Variants in SLC24A1 observed in about 807,000 individuals in gnomAD.
SLC24A1 encodes the protein sodium/potassium/calcium exchanger 1.
A neutral mutation model predicts 88.1 loss-of-function variants in SLC24A1; 52 were observed. The ratio of observed to expected loss-of-function variants is 0.59; its 90% CI spans 0.47 to 0.74. SLC24A1 has a LOEUF of 0.74. Among genes scored for constraint, SLC24A1 ranks in the 30% least tolerant of loss-of-function variants. SLC24A1 has a pLI of 0.00. For missense variants in SLC24A1, 1,173 were observed against 1,363.3 expected (o/e 0.86, Z 2.20); for synonymous variants, 455 against 498.0 (o/e 0.91, Z 1.15).
chr15:65,624,022 G>A lies in SLC24A1; in HGVS notation c.-59G>A. ...TCTGATCACCAACCTGAATCCCAGA[G>A]TAGCCTCCATCTTAGGACAGAATGA... On this transcript the variant is annotated 5_prime_UTR_variant, in exon 2 of 10. Coordinates refer to ENST00000261892, the MANE Select transcript of SLC24A1 (RefSeq NM_004727.3). The A allele has an allele frequency of 4.9e-6, 7 of 1,443,224 alleles. No homozygotes were observed. Among genetic ancestry groups the A allele is most frequent in the Non-Finnish European group, 6.5e-6 (7 of 1,069,908 alleles). The allele number at this position is 1,443,224 out of a possible 1,614,324, so 89.4% of individuals were successfully genotyped here. A position where few individuals can be genotyped will look rare whatever the true frequency, so the allele number is the denominator to read the frequency against.
At chr15:65,617,740 A>G (rs187185797), upstream of SLC24A1, among the ~76,000 whole-genome samples, 2 of 152,278 alleles carry the variant, frequency 1.3e-5, no homozygotes, top group East Asian at 3.9e-4. Flanking sequence ...CCTGATTGCA[A>G]GTGTTGGCCA....
At position 65,625,553 on chromosome 15, in the gene SLC24A1, C is replaced by T. The variant is rs557624344; in HGVS notation, c.1473C>T (p.Ser491=). Residue 491 remains serine, a synonymous_variant, in exon 2 of 10, where the codon TCC becomes TCT. Transcript: ENST00000261892. ...LGVITDKLQI[S]EDVAGATFMA... ...TCATCACAGACAAGCTGCAGATCTC[C>T]GAGGATGTGGCAGGCGCCACATTCA... 8.1e-6 allele frequency: 13 copies of T among 1,614,032 alleles called. No homozygotes were observed. The highest frequency in any genetic ancestry group is 4.0e-5 in the African/African-American group (3 of 75,048).
chr15:65,629,686 G>C (rs1314171119), intron 2 of SLC24A1, among the ~76,000 whole-genome samples: 2 of 152,210 alleles, frequency 1.3e-5, no homozygotes, highest in Non-Finnish European at 2.9e-5. Context: ...GAGGCGCTAG[G>C]CTGGCTGAAA....
chr15:65,639,125 A>T (rs2075037270), intron 3 of SLC24A1, among the ~76,000 whole-genome samples: 1 of 152,146 alleles, frequency 6.6e-6, no homozygotes, highest in African/African-American at 2.4e-5. Context: ...AGCTTCTTTG[A>T]GTTTTCCTTT....
chr15:65,642,487 TTG>T (rs973736659), intron 4 of SLC24A1, among the ~76,000 whole-genome samples: 2 of 152,120 alleles, frequency 1.3e-5, no homozygotes, highest in African/African-American at 4.8e-5. Context: ...AGGGGGAAGC[TTG>T]TGTTTATGGC....
chr15:65,645,819 G>T (rs527701086), intron 6 of SLC24A1, 116 bp downstream of exon 6: 12 of 671,142 alleles, frequency 1.8e-5, no homozygotes, highest in Non-Finnish European at 3.1e-5. Flanking sequence ...TTCCTCTGGG[G>T]GTAAATATTA....
rs778603418 is a variant in SLC24A1 at position 65,651,762 on chromosome 15, G to A, written c.2883+3G>A. 1.3e-6 allele frequency: 2 copies of A among 1,538,438 alleles called. No homozygotes were observed. The highest frequency in any genetic ancestry group is 3.3e-5 in the Admixed American group (2 of 59,742). ...TCATGGTGTGGTGGGCTCACCAGGT[G>A]AGTGAACAGCAGGAACGAAATCCTC... On this transcript the variant is annotated splice_donor_region_variant and intron_variant, in intron 8 of 9. Transcript: ENST00000261892.
intron 6 of SLC24A1, among the ~76,000 whole-genome samples, chr15:65,647,758 G>A (rs1239303814): frequency 6.6e-6 from 1 of 152,172 alleles, no homozygotes; most frequent in East Asian, 1.9e-4. Flanking sequence ...ACAGGAGAGG[G>A]CAGGAATGAT....
chr15:65,646,993 C>T (rs2075322649), intron 6 of SLC24A1, among the ~76,000 whole-genome samples: 1 of 152,218 alleles, frequency 6.6e-6, no homozygotes, highest in South Asian at 2.1e-4. Context: ...GAGAAGGCAT[C>T]TGTGACCCTG....
chr15:65,628,633 C>T (rs2141497773), intron 2 of SLC24A1, among the ~76,000 whole-genome samples: 1 of 152,326 alleles, frequency 6.6e-6, no homozygotes, highest in South Asian at 2.1e-4. Context: ...GATAATTACT[C>T]AGCCAAAGTT....
upstream of SLC24A1, among the ~76,000 whole-genome samples, chr15:65,618,433 A>C (rs2074219067): frequency 6.6e-6 from 1 of 152,294 alleles, no homozygotes; most frequent in South Asian, 2.1e-4. Context: ...TCATTTATGT[A>C]ATCAGTTTCC....
At chr15:65,648,005 A>G (rs1206793278) in intron 6 of SLC24A1, among the ~76,000 whole-genome samples, 5 of 152,186 alleles carry the variant, frequency 3.3e-5, no homozygotes, top group Admixed American at 2.6e-4. Context: ...TCACGCCTGT[A>G]ATCCCAGCAC....
At chr15:65,647,475 CAAAAAAAA>C (rs199501932) in intron 6 of SLC24A1, among the ~76,000 whole-genome samples, 3 of 81,212 alleles carry the variant, frequency 3.7e-5, no homozygotes, top group East Asian at 4.3e-4. Flanking sequence ...GAGACTGTCT[CAAAAAAAA>C]AAAAAAAAAA....
At chr15:65,648,663 T>A (rs2075391440) in intron 6 of SLC24A1, among the ~76,000 whole-genome samples, 1 of 151,768 alleles carries the variant, frequency 6.6e-6, no homozygotes. Context: ...GGCTAATTTT[T>A]ATTTATTTAT....
chr15:65,616,977 T>A (rs1277615816), upstream of SLC24A1, among the ~76,000 whole-genome samples: 1 of 152,256 alleles, frequency 6.6e-6, no homozygotes, highest in African/African-American at 2.4e-5. Flanking sequence ...ATTTATTAAA[T>A]AGGGAATCCT....
At chr15:65,615,026 G>T (rs1029170977) in intron 2 of SLC24A1, among the ~76,000 whole-genome samples, 1 of 152,074 alleles carries the variant, frequency 6.6e-6, no homozygotes, top group African/African-American at 2.4e-5. Flanking sequence ...GACTAGCCTG[G>T]GCAACATAGA....
chr15:65,638,231 G>T (rs1395549805), intron 3 of SLC24A1, 50 bp downstream of exon 3: 1 of 1,276,026 alleles, frequency 7.8e-7, no homozygotes, highest in Non-Finnish European at 1.1e-6. Context: ...GGGTCTCAGT[G>T]GATGATCACA....
chr15:65,650,801 G>T lies in SLC24A1; in HGVS notation c.2652G>T (p.Glu884Asp). The change falls in exon 7 of 10, where the codon GAG (glutamate) becomes GAT (aspartate). Residue 884 changes from glutamate (E) to aspartate (D), a missense_variant. By Grantham distance (45) the Glu-to-Asp change is conservative. Transcript: ENST00000261892. This position sits in a 1 kb window ranked among gnomAD's most constrained non-coding sequence, Gnocchi z 4.1. ...EEEEQEEEEE[E>D]EEEEEEKGNE... is the part of the protein sequence containing the mutation. ...AAGAGCAGGAGGAAGAGGAGGAGGAGGAGGAGGAAGAGGAGGAGAAGGGAA... is the reference window on the plus strand; with the variant it reads ...AAGAGCAGGAGGAAGAGGAGGAGGATGAGGAGGAAGAGGAGGAGAAGGGAA... The T allele has an allele frequency of 6.2e-7, 1 of 1,613,410 alleles. No homozygotes were observed. Among genetic ancestry groups the T allele is most frequent in the Non-Finnish European group, 8.5e-7 (1 of 1,179,678 alleles).
At position 65,650,642 on chromosome 15, in the gene SLC24A1, G is replaced by C; in HGVS notation, c.2493G>C (p.Gln831His). 1.3e-6 allele frequency: 2 copies of C among 1,549,914 alleles called. No homozygotes were observed. Among genetic ancestry groups the C allele is most frequent in the South Asian group, 2.4e-5 (2 of 83,820 alleles). ...GTAATGAAGGTGAAACTGAAAGCCAGGAACTCAGTGCTGAAAATCACGGTG... is the reference window on the plus strand; with the variant it reads ...GTAATGAAGGTGAAACTGAAAGCCACGAACTCAGTGCTGAAAATCACGGTG... Reference protein sequence around the residue: ...MKGNEGETESQELSAENHGEA... With the variant: ...MKGNEGETESHELSAENHGEA... The change falls in exon 7 of 10, where the codon CAG becomes CAC. Residue 831 changes from glutamine (Q) to histidine (H), a missense_variant. By Grantham distance (24) the Gln-to-His change is conservative. Coordinates refer to ENST00000261892, the MANE Select transcript of SLC24A1 (RefSeq NM_004727.3). The surrounding 1 kb of genome is among the most constrained non-coding windows in gnomAD (Gnocchi z 4.1).
Sources: gnomAD v4.1 joint callset for allele counts (sites outside exome capture counted in the v4.1 genomes callset) on GRCh38, gnomAD v4.1.1 for gene constraint, Gnocchi (gnomAD v3.1) non-coding constraint, MANE v1.5 for transcripts, NCBI Gene and HGNC (gene_info 2026-07-23, HGNC 2026-07-21) for gene names.